NR2C2: variants seen among roughly 807,000 people sequenced by gnomAD.
NR2C2 encodes the protein Nuclear hormone receptor TR4.
A neutral mutation model predicts 62.9 loss-of-function variants in NR2C2; 6 were observed. The observed-to-expected ratio is 0.10, with a 90% CI of 0.05 to 0.19. NR2C2 has a LOEUF of 0.19. NR2C2 is among the 10% of genes least tolerant of loss of function. NR2C2 has a pLI of 1.00. For missense variants in NR2C2, 479 were observed against 762.7 expected (o/e 0.63, Z 4.38); for synonymous variants, 272 against 273.8 (o/e 0.99, Z 0.07).
At chr3:15,035,652 T>G (rs2042084207) in intron 11 of NR2C2, among the ~76,000 whole-genome samples, 2 of 152,332 alleles carry the variant, frequency 1.3e-5, no homozygotes, top group South Asian at 4.1e-4. Flanking sequence ...CCCAGCACTT[T>G]GGGAGGCCAA....
intron 1 of NR2C2, among the ~76,000 whole-genome samples, chr3:14,977,387 G>T (rs1339377420): frequency 6.6e-6 from 1 of 152,286 alleles, no homozygotes; most frequent in Admixed American, 6.5e-5. Flanking sequence ...ATGGCTTTCA[G>T]CTCTGGCTGT....
At position 15,043,134 on chromosome 3, in the gene NR2C2, CCTT is replaced by C. The variant is rs1313751878; in HGVS notation, c.*127_*129del. On this transcript the variant is annotated 3_prime_UTR_variant, in exon 14 of 14. Transcript: ENST00000425241. ...GTTAGCCATTTCCTGTCTGGTTTCT[CCTT>C]ATCTGTTAATCCCAGACAATAGCAA... 1 of 850,428 alleles carries C rather than the reference CCTT, an allele frequency of 1.2e-6. No homozygotes were observed. Among genetic ancestry groups the C allele is most frequent in the Middle Eastern group, 2.7e-4 (1 of 3,638 alleles). 52.7% of individuals were successfully genotyped at this position (850,428 alleles called of 1,614,324 possible).
At chr3:15,020,680 C>T (rs1389128082) in intron 4 of NR2C2, 73 bp from the exon 5 acceptor site, 2 of 1,541,178 alleles carry the variant, frequency 1.3e-6, no homozygotes, top group East Asian at 4.5e-5. Context: ...TGCACAGGAA[C>T]TGACAGATCA....
At chr3:15,030,611 T>G (rs2041957557) in intron 9 of NR2C2, among the ~76,000 whole-genome samples, 159 bp downstream of exon 9, 1 of 152,122 alleles carries the variant, frequency 6.6e-6, no homozygotes, top group Non-Finnish European at 1.5e-5. Flanking sequence ...GTGGATCACT[T>G]CAGCTCAGGA....
chr3:15,023,114 G>A, intron 5 of NR2C2, 86 bp from the exon 6 acceptor site: 1 of 1,440,884 alleles, frequency 6.9e-7, no homozygotes, highest in Non-Finnish European at 9.6e-7. Context: ...CATCCTCCCT[G>A]CAGTAATGGA....
chr3:15,034,310 A>C (rs1358996011), intron 10 of NR2C2: 1 of 172,462 alleles, frequency 5.8e-6, no homozygotes, highest in African/African-American at 2.4e-5. Context: ...GTAGCCTCTC[A>C]TGACCTTGGC....
At chr3:14,958,839 G>C (rs1193814850) in intron 1 of NR2C2, among the ~76,000 whole-genome samples, 1 of 152,176 alleles carries the variant, frequency 6.6e-6, no homozygotes, top group Non-Finnish European at 1.5e-5. Context: ...AGCTGGGCAT[G>C]GTGGCGCATG....
chr3:14,980,603 C>T (rs1407990787), intron 1 of NR2C2, among the ~76,000 whole-genome samples: 1 of 152,100 alleles, frequency 6.6e-6, no homozygotes, highest in African/African-American at 2.4e-5. Flanking sequence ...GACCAGAGAA[C>T]TAACAAAAAT....
chr3:15,036,689 G>A (rs1305294905), intron 11 of NR2C2, among the ~76,000 whole-genome samples: 1 of 152,096 alleles, frequency 6.6e-6, no homozygotes, highest in East Asian at 1.9e-4. Flanking sequence ...ATGAGGTTTC[G>A]CTGTGCTGCC....
chr3:15,044,459 C>T lies in NR2C2; in HGVS notation c.*1451C>T, dbSNP rs1335377329. ...GAGTTTACAGCAAGAACAGTATGCG[C>T]TTAAAAGGAAGTTATGTCTAACTTC... On this transcript the variant is annotated 3_prime_UTR_variant, in exon 14 of 14. Transcript: ENST00000425241. 1 of 152,198 alleles carries T rather than the reference C, an allele frequency of 6.6e-6. No homozygotes were observed. Among genetic ancestry groups the T allele is most frequent in the African/African-American group, 2.4e-5 (1 of 41,436 alleles). 9.4% of individuals were successfully genotyped at this position (152,198 alleles called of 1,614,324 possible).
chr3:15,019,127 G>C lies in NR2C2; in HGVS notation c.377-1626G>C, dbSNP rs192481723. ...TATAATTCCAGCTACTCGGGAGGCTGAGGCACAAGAATCACTTGAACCCAG... is the reference window on the plus strand; with the variant it reads ...TATAATTCCAGCTACTCGGGAGGCTCAGGCACAAGAATCACTTGAACCCAG... On this transcript the variant is annotated intron_variant, in intron 4 of 13. Transcript: ENST00000425241. Among the ~76,000 whole-genome samples the C allele has an allele frequency of 3.3e-5, 5 of 151,344 alleles. No homozygotes were observed. In the East Asian group the frequency reaches 9.7e-4, roughly 29 times the overall value.
intron 5 of NR2C2, 111 bp downstream of exon 5, chr3:15,021,043 T>A: frequency 1.9e-6 from 2 of 1,041,422 alleles, no homozygotes; most frequent in South Asian, 3.3e-5. Flanking sequence ...GAAAAAAATA[T>A]GCACTCAGGC....
At chr3:15,034,620 T>G in intron 10 of NR2C2, 50 bp from the exon 11 acceptor site, 1 of 1,591,238 alleles carries the variant, frequency 6.3e-7, no homozygotes, top group Non-Finnish European at 8.6e-7. Flanking sequence ...CCCACAACCT[T>G]GGAGAAATGC....
rs1423143139 is a variant in NR2C2, at chr3:15,044,632, G to T, written c.*1624G>T. 6.6e-6 allele frequency: 1 copy of T among 152,224 alleles called. No individual in the cohort carries two copies. The highest frequency in any genetic ancestry group is 1.5e-5 in the Non-Finnish European group (1 of 68,038). 9.4% of individuals were successfully genotyped at this position (152,224 alleles called of 1,614,324 possible). A position where few individuals can be genotyped will look rare whatever the true frequency, so the allele number is the denominator to read the frequency against. ...AAATACACCCTGTTGGGTTAAATTTGCCTCTCTTGATTTGTTAATCAGATG... is the reference window on the plus strand; with the variant it reads ...AAATACACCCTGTTGGGTTAAATTTTCCTCTCTTGATTTGTTAATCAGATG... On this transcript the variant is annotated 3_prime_UTR_variant, in exon 14 of 14. Transcript: ENST00000425241.
At chr3:14,965,217 A>C (rs1204616314) in intron 1 of NR2C2, among the ~76,000 whole-genome samples, 1 of 152,190 alleles carries the variant, frequency 6.6e-6, no homozygotes, top group Admixed American at 6.5e-5. Context: ...TTATTTTGTG[A>C]TAGGAATAAT....
intron 1 of NR2C2, among the ~76,000 whole-genome samples, chr3:14,985,243 A>T (rs2040483776): frequency 6.6e-6 from 1 of 152,042 alleles, no homozygotes; most frequent in African/African-American, 2.4e-5. Context: ...TTATATTTTC[A>T]TTATCTTGGC....
Position 15,044,337 on chromosome 3 carries a change from C to T in NR2C2, c.*1329C>T, listed in dbSNP as rs1198644011. The stretch of plus-strand genomic sequence containing the variant: ...GTTCCCCCAGGTGTGTGCCAGCCGA[C>T]CACCCCGGAGCATTTTAAATGCAGG... On this transcript the variant is annotated 3_prime_UTR_variant, in exon 14 of 14. Coordinates refer to ENST00000425241, the MANE Select transcript of NR2C2 (RefSeq NM_001291694.2). 1 of 152,182 alleles carries T rather than the reference C, an allele frequency of 6.6e-6. No homozygotes were observed. The highest frequency in any genetic ancestry group is 6.5e-5 in the Admixed American group (1 of 15,282). The allele number at this position is 152,182 out of a possible 1,614,324, so 9.4% of individuals were successfully genotyped here. A position where few individuals can be genotyped will look rare whatever the true frequency, so the allele number is the denominator to read the frequency against.
intron 1 of NR2C2, among the ~76,000 whole-genome samples, chr3:14,963,014 G>C (rs1402007352): frequency 6.6e-6 from 1 of 152,096 alleles, no homozygotes; most frequent in Non-Finnish European, 1.5e-5. Context: ...TTCCATGTGA[G>C]GGATTTGATC....
chr3:14,952,795 A>G (rs2039405373), intron 1 of NR2C2, among the ~76,000 whole-genome samples: 1 of 152,118 alleles, frequency 6.6e-6, no homozygotes, highest in African/African-American at 2.4e-5. Flanking sequence ...CCCATATCCC[A>G]CTATTGCTAC....
Sources: gnomAD v4.1 joint callset for allele counts (sites outside exome capture counted in the v4.1 genomes callset) on GRCh38, gnomAD v4.1.1 for gene constraint, MANE v1.5 for transcripts, NCBI Gene and HGNC (gene_info 2026-07-23, HGNC 2026-07-21) for gene names.